The following AGBL2 variants were observed in gnomAD, a reference collection of about 807,000 sequenced individuals.
The protein encoded by AGBL2 is cytosolic carboxypeptidase 2.
In AGBL2, 87 loss-of-function variants were observed where a neutral mutation model predicts 103.0. The observed-to-expected ratio is 0.84, with a 90% CI of 0.71 to 1.01. The LOEUF (loss-of-function observed/expected upper bound fraction) is 1.01, where lower values mean the gene tolerates loss of function less well. Ranked by LOEUF, AGBL2 falls within the 50% of genes least tolerant of loss-of-function variation. The pLI, the probability that AGBL2 is intolerant of heterozygous loss-of-function variation, is 0.00. For synonymous variants in AGBL2, 335 were observed against 356.7 expected (o/e 0.94, Z 0.69); for missense variants, 904 against 1,023.5 (o/e 0.88, Z 1.59).
chr11:47,702,403 T>G (rs1157159255), intron 7 of AGBL2, among the ~76,000 whole-genome samples: 1 of 152,134 alleles, frequency 6.6e-6, no homozygotes, highest in East Asian at 1.9e-4. Context: ...TTAGGTATGC[T>G]CAGAGGGACC....
chr11:47,685,703 T>G (rs2097420890), intron 11 of AGBL2, among the ~76,000 whole-genome samples, 190 bp downstream of exon 11: 1 of 152,112 alleles, frequency 6.6e-6, no homozygotes, highest in Admixed American at 6.6e-5. Flanking sequence ...ATTACAGGTG[T>G]GAGCCACTGT....
At position 47,686,033 on chromosome 11, in the gene AGBL2, C is replaced by G. The variant is rs768938550; in HGVS notation, c.1648G>C (p.Glu550Gln). ...TGGAAATCACAATACAACAGAACCT[C>G]TCTTTCTTCAAGAAGTCTATTGAGG... ...NMIKRLLEER[E>Q]VLLYCDFHGH... is the part of the protein sequence containing the mutation. Residue 550 changes from glutamate (E) to glutamine (Q), a missense_variant, in exon 11 of 19, where the codon GAG becomes CAG. Glu to Gln is a conservative substitution (Grantham distance 29, BLOSUM62 2). Transcript: ENST00000525123. The G allele has an allele frequency of 6.2e-7, 1 of 1,613,808 alleles. No individual in the cohort carries two copies. The highest frequency in any genetic ancestry group is 1.3e-5 in the African/African-American group (1 of 74,920).
intron 11 of AGBL2, among the ~76,000 whole-genome samples, chr11:47,683,375 AAGAG>A (rs759092503): frequency 1.3e-5 from 2 of 152,034 alleles, no homozygotes; most frequent in Non-Finnish European, 2.9e-5. Context: ...CAAAAAACAA[AAGAG>A]AGAGAGAGGA....
At chr11:47,678,599 G>A (rs1291549221) in intron 13 of AGBL2, among the ~76,000 whole-genome samples, 1 of 151,464 alleles carries the variant, frequency 6.6e-6, no homozygotes, top group Non-Finnish European at 1.5e-5. Flanking sequence ...CTCCCAAAGT[G>A]CTGGGATTAG....
In AGBL2 at chr11:47,697,964, C is replaced by T. The variant is rs202238424; in HGVS notation, c.694+1482G>A. Reference sequence around the variant, plus strand: ...CAACCTCCAACTCCCAAGGTTTAAACGATTCTCCTGCCTCAGCCTCCTGAG... The same window carrying T: ...CAACCTCCAACTCCCAAGGTTTAAATGATTCTCCTGCCTCAGCCTCCTGAG... On this transcript the variant is annotated intron_variant, in intron 8 of 18. Coordinates refer to ENST00000525123, the MANE Select transcript of AGBL2 (RefSeq NM_024783.4). Among the ~76,000 whole-genome samples the T allele has an allele frequency of 3.0e-4, 45 of 150,166 alleles. No individual in the cohort carries two copies. In the East Asian group the frequency reaches 7.2e-3, roughly 24 times the overall value.
chr11:47,664,200 T>G (rs1470650722), intron 17 of AGBL2, among the ~76,000 whole-genome samples: 34 of 151,332 alleles, frequency 2.2e-4, no homozygotes. Flanking sequence ...GAGGGCCCAT[T>G]TTGCACCCTA....
intron 4 of AGBL2, among the ~76,000 whole-genome samples, chr11:47,706,891 C>CAATA: frequency 2.5e-5 from 2 of 80,510 alleles, no homozygotes; most frequent in East Asian, 4.0e-4. Context: ...TCTACTATTC[C>CAATA]AAAAAAAAAA....
chr11:47,663,099 C>T lies in AGBL2; in HGVS notation c.2462G>A (p.Arg821Lys). The T allele has an allele frequency of 1.3e-6, 2 of 1,589,932 alleles. No individual in the cohort carries two copies. Among genetic ancestry groups the T allele is most frequent in the South Asian group, 1.2e-5 (1 of 85,858 alleles). ...GTCCAGGGGGGTGTCTTTGTCTCTTCTATTTAAATTTGTCTAAAATAAATG... is the reference window on the plus strand; with the variant it reads ...GTCCAGGGGGGTGTCTTTGTCTCTTTTATTTAAATTTGTCTAAAATAAATG... ...NPRLNETNLNRRDKDTPLDPS... is the reference protein window; with the variant it reads ...NPRLNETNLNKRDKDTPLDPS... The change falls in exon 18 of 19, where the codon AGA (arginine) becomes AAA (lysine). Residue 821 changes from arginine (R) to lysine (K), a missense_variant. By Grantham distance (26) the Arg-to-Lys change is conservative. Coordinates refer to ENST00000525123, the MANE Select transcript of AGBL2 (RefSeq NM_024783.4).
chr11:47,660,107 C>T lies in AGBL2; in HGVS notation c.*66G>A, dbSNP rs1360848529. 2.3e-5 allele frequency: 35 copies of T among 1,505,828 alleles called. No individual in the cohort carries two copies. The highest frequency in any genetic ancestry group is 3.0e-5 in the Non-Finnish European group (33 of 1,109,560). 93.3% of individuals were successfully genotyped at this position (1,505,828 alleles called of 1,614,324 possible). Reference sequence around the variant, plus strand: ...GCAGTTCCCAGTCATACATCTCCCCCATTATAAAATGTGTCTAATCTCAAA... The same window carrying T: ...GCAGTTCCCAGTCATACATCTCCCCTATTATAAAATGTGTCTAATCTCAAA... On this transcript the variant is annotated 3_prime_UTR_variant, in exon 19 of 19. Transcript: ENST00000525123.
At chr11:47,704,215 C>T (rs1024628400) in intron 7 of AGBL2, among the ~76,000 whole-genome samples, 2 of 152,056 alleles carry the variant, frequency 1.3e-5, no homozygotes, top group Non-Finnish European at 2.9e-5. Context: ...GGCTTGGTGG[C>T]TTATGCCTGT....
chr11:47,692,791 AGATTTATCCCTATGTTTT>A (rs1362185952), intron 8 of AGBL2, among the ~76,000 whole-genome samples: 1 of 151,558 alleles, frequency 6.6e-6, no homozygotes, highest in East Asian at 2.0e-4. Flanking sequence ...AAGGTCATGA[AGATTTATCCCTATGTTTT>A]GATTTATCCC....
rs750865240 is a variant in AGBL2 at position 47,679,970 on chromosome 11, T to A, written c.2016+3A>T. 1.9e-6 allele frequency: 3 copies of A among 1,587,558 alleles called. No individual in the cohort carries two copies. In the African/African-American group the frequency reaches 4.0e-5, roughly 21 times the overall value. On this transcript the variant is annotated splice_donor_region_variant and intron_variant, in intron 13 of 18. Transcript: ENST00000525123. ...ATCACATTTCTTGAAACCCCATTTT[T>A]ACCTTCATTTGGTCAGGATCACAAA...
intron 14 of AGBL2, among the ~76,000 whole-genome samples, chr11:47,674,284 G>T (rs2097366987): frequency 1.3e-5 from 2 of 150,724 alleles, no homozygotes; most frequent in African/African-American, 4.9e-5. Context: ...GCATTTGGCT[G>T]GGCGCGGTGG....
intron 1 of AGBL2, 142 bp from the exon 2 acceptor site, chr11:47,714,892 T>A (rs773412734): frequency 5.0e-5 from 27 of 544,204 alleles, no homozygotes; most frequent in Middle Eastern, 5.1e-4. Context: ...CAGAGGTGCA[T>A]CTGAGACAGG....
chr11:47,706,013 C>T, intron 4 of AGBL2, 96 bp from the exon 5 acceptor site: 2 of 921,794 alleles, frequency 2.2e-6, no homozygotes, highest in South Asian at 2.6e-5. Flanking sequence ...CCTATGCTCA[C>T]TCTGGACCCC....
intron 14 of AGBL2, among the ~76,000 whole-genome samples, chr11:47,675,199 C>CTTTT (rs34012734): frequency 5.0e-4 from 29 of 58,208 alleles, no homozygotes; most frequent in East Asian, 9.7e-4. Context: ...TCCCACCAGT[C>CTTTT]TTTTTTTTTT....
intron 8 of AGBL2, among the ~76,000 whole-genome samples, chr11:47,693,840 C>T (rs924861766): frequency 7.9e-5 from 12 of 151,364 alleles, no homozygotes; most frequent in Admixed American, 7.2e-4. Flanking sequence ...CACCAGGTGT[C>T]TTCTCCGTTC....
intron 18 of AGBL2, 33 bp from the exon 19 acceptor site, chr11:47,660,379 A>C (rs916147451): frequency 6.3e-7 from 1 of 1,577,954 alleles, no homozygotes; most frequent in Non-Finnish European, 8.6e-7. Context: ...AGTTGAATTC[A>C]GTTTATTTTG....
At chr11:47,701,154 T>A (rs1047095681) in intron 7 of AGBL2, among the ~76,000 whole-genome samples, 9 of 151,978 alleles carry the variant, frequency 5.9e-5, no homozygotes, top group South Asian at 2.1e-4. Context: ...AACATTTTTT[T>A]AAAAATTGCT....
Sources: allele counts gnomAD v4.1 joint callset (sites outside exome capture counted in the v4.1 genomes callset), GRCh38; gene constraint gnomAD v4.1.1; transcripts MANE v1.5; gene names NCBI Gene and HGNC (gene_info 2026-07-23, HGNC 2026-07-21).